The following UBA1 variants were observed in gnomAD, a reference collection of about 807,000 sequenced individuals.
UBA1 encodes ubiquitin-like modifier-activating enzyme 1.
In UBA1, 4 loss-of-function variants were observed where a neutral mutation model predicts 84.7. That is an observed-to-expected ratio of 0.05 (90% CI 0.02 to 0.11). The LOEUF is 0.11. Ranked by LOEUF, UBA1 falls within the 10% of genes least tolerant of loss-of-function variation. UBA1 has a pLI of 1.00. For synonymous variants in UBA1, 364 were observed against 362.6 expected (o/e 1.00, Z -0.04); for missense variants, 513 against 902.8 (o/e 0.57, Z 5.53).
chrX:47,201,663 G>T, intron 8 of UBA1, 53 bp downstream of exon 8: 1 of 1,188,211 alleles, frequency 8.4e-7, no homozygotes, highest in Non-Finnish European at 1.1e-6. Flanking sequence ...ATGTTCCTGG[G>T]TTCTGGCCGG....
Position 47,209,610 on chromosome X carries a change from GCT to G in UBA1, c.1939-10_1939-9del. 1 of 1,210,017 alleles carries G rather than the reference GCT, an allele frequency of 8.3e-7. No homozygotes were observed. Among genetic ancestry groups the G allele is most frequent in the Non-Finnish European group, 1.1e-6 (1 of 893,831 alleles). On this transcript the variant is annotated splice_polypyrimidine_tract_variant and intron_variant, in intron 16 of 25. Coordinates refer to ENST00000335972, the MANE Select transcript of UBA1 (RefSeq NM_003334.4). ...AACTGTGGCCACATGTAATCTGTTT[GCT>G]CTGTCTGCAGTGGGCTCGGGATGAG... is the stretch of plus-strand genomic sequence containing the variant.
At chrX:47,212,598 G>A (rs1483177018) in intron 21 of UBA1, 86 bp downstream of exon 21, 6 of 921,233 alleles carry the variant, frequency 6.5e-6, no homozygotes, top group South Asian at 6.2e-5. Context: ...AGCCAGCCCC[G>A]GGCCTTTGTG....
Position 47,206,264 on chromosome X carries a change from C to T in UBA1, c.1758C>T (p.Arg586=), listed in dbSNP as rs782655127. Residue 586 remains arginine, a synonymous_variant, in exon 16 of 26, where the codon CGC becomes CGT. Transcript: ENST00000335972. ...TCCCCACAGGCATGTACATGGACCG[C>T]CGCTGTGTCTACTACCGGAAGCCAC... The part of the protein sequence containing the change: ...DNVDARMYMD[R]RCVYYRKPLL... 18 of 1,206,675 alleles carry T rather than the reference C, an allele frequency of 1.5e-5. No individual in the cohort carries two copies. Among genetic ancestry groups the T allele is most frequent in the Non-Finnish European group, 1.9e-5 (17 of 892,779 alleles).
In UBA1 at chrX:47,193,869, C is replaced by G. The variant is rs1936105965; in HGVS notation, c.-156C>G. ...CTCGGCTGTAAGGAGGTGGCAGGGA[C>G]AACCACAACCACAACGGCCGGGGGA... On this transcript the variant is annotated 5_prime_UTR_variant, in exon 1 of 26. Coordinates refer to ENST00000335972, the MANE Select transcript of UBA1 (RefSeq NM_003334.4). 1 of 111,561 alleles carries G rather than the reference C, an allele frequency of 9.0e-6. No individual in the cohort carries two copies. Among genetic ancestry groups the G allele is most frequent in the Non-Finnish European group, 1.9e-5 (1 of 53,078 alleles). 9.2% of individuals were successfully genotyped at this position (111,561 alleles called of 1,213,427 possible).
intron 16 of UBA1, among the ~76,000 whole-genome samples, chrX:47,208,312 TAA>T (rs1936764953): frequency 1.0e-5 from 1 of 96,315 alleles, no homozygotes; most frequent in Non-Finnish European, 2.0e-5. Context: ...TGTGTACGTG[TAA>T]GTGTGTGTAC....
chrX:47,214,289 G>A (rs1556794492), intron 23 of UBA1, 38 bp from the exon 24 acceptor site: 2 of 1,160,240 alleles, frequency 1.7e-6, no homozygotes, highest in Admixed American at 4.4e-5. Flanking sequence ...GACCCTCTGG[G>A]ATGGTCTCCA....
In UBA1 at chrX:47,208,274, T is replaced by TGC. The variant is rs1291728459; in HGVS notation, c.1939-1348_1939-1347insCG. 2.9e-5 allele frequency among the ~76,000 whole-genome samples: 3 copies of TGC among 104,665 alleles called. No individual in the cohort carries two copies. The Admixed American group carries it at 3.0e-4, about 11-fold the overall frequency. 90.9% of individuals were successfully genotyped at this position (104,665 alleles called of 115,157 possible). A position where few individuals can be genotyped will look rare whatever the true frequency, so the allele number is the denominator to read the frequency against. Reference sequence around the variant, plus strand: ...CCAACTCCTGGGAAGTGTCTGTACGTGTGTGTGTGTGTGTGTGTAAGTGTC... The same window carrying TGC: ...CCAACTCCTGGGAAGTGTCTGTACGTGCGTGTGTGTGTGTGTGTGTAAGTGTC... On this transcript the variant is annotated intron_variant, in intron 16 of 25. Transcript: ENST00000335972.
chrX:47,210,820 C>T, intron 18 of UBA1, 22 bp from the exon 19 acceptor site: 1 of 1,207,284 alleles, frequency 8.3e-7, no homozygotes, highest in South Asian at 1.8e-5. Context: ...GTCCTGTTCT[C>T]AAAAATCTCT....
chrX:47,200,813 G>A (rs781842801), intron 5 of UBA1, 81 bp from the exon 6 acceptor site: 1 of 766,909 alleles, frequency 1.3e-6, no homozygotes, highest in East Asian at 3.5e-5. Context: ...TTGCCTTGAG[G>A]ACTGCCTGAG....
chrX:47,197,579 G>T (rs1376446868), intron 1 of UBA1: 35 of 749,005 alleles, frequency 4.7e-5, no homozygotes, highest in Non-Finnish European at 5.5e-5. Context: ...TCTCCAGCAT[G>T]TGGACCCAGT....
intron 22 of UBA1, 29 bp from the exon 23 acceptor site, chrX:47,212,961 C>A (rs782142490): frequency 8.3e-7 from 1 of 1,211,385 alleles, no homozygotes; most frequent in East Asian, 3.0e-5. Context: ...ACTTAACTAC[C>A]ACCTTCTTTT....
intron 16 of UBA1, chrX:47,206,660 T>C (rs1936690004): frequency 2.3e-6 from 1 of 434,847 alleles, no homozygotes. Context: ...TTTCAACACA[T>C]AGACAAATAT....
At chrX:47,206,916 A>T (rs999214345) in intron 16 of UBA1, among the ~76,000 whole-genome samples, 9 of 109,889 alleles carry the variant, frequency 8.2e-5, no homozygotes, top group Admixed American at 5.9e-4. Flanking sequence ...TTTATTTGTC[A>T]TGGGAGAGGG....
At chrX:47,206,594 G>C in intron 16 of UBA1, 150 bp downstream of exon 16, 1 of 553,016 alleles carries the variant, frequency 1.8e-6, no homozygotes, top group Non-Finnish European at 3.0e-6. Context: ...CTTCCCACCA[G>C]GCAGCCTAGG....
At chrX:47,213,372 C>T (rs1488969933) in intron 23 of UBA1, among the ~76,000 whole-genome samples, 191 bp downstream of exon 23, 1 of 111,772 alleles carries the variant, frequency 8.9e-6, no homozygotes, top group Non-Finnish European at 1.9e-5. Flanking sequence ...TTGAATTGTG[C>T]CCTGGGAGAT....
At chrX:47,203,100 G>A in intron 12 of UBA1, 34 bp from the exon 13 acceptor site, 4 of 1,209,089 alleles carry the variant, frequency 3.3e-6, no homozygotes, top group Middle Eastern at 4.6e-4. Flanking sequence ...TTCTGGGGAG[G>A]CCTCTCTAAC....
intron 5 of UBA1, among the ~76,000 whole-genome samples, chrX:47,199,975 C>T (rs895071396): frequency 1.8e-5 from 2 of 109,868 alleles, no homozygotes; most frequent in Non-Finnish European, 3.8e-5. Flanking sequence ...TTAGTAGAGA[C>T]GGGGTTTCAC....
rs781926346 is a variant in UBA1, at chrX:47,206,270, T to C, written c.1764T>C (p.Cys588=). 8.3e-7 allele frequency: 1 copy of C among 1,208,546 alleles called. No homozygotes were observed. Among genetic ancestry groups the C allele is most frequent in the South Asian group, 1.8e-5 (1 of 56,229 alleles). Residue 588 remains cysteine (C), a synonymous_variant, in exon 16 of 26, where the codon TGT becomes TGC. Coordinates refer to ENST00000335972, the MANE Select transcript of UBA1 (RefSeq NM_003334.4). ...VDARMYMDRR[C]VYYRKPLLES... is the part of the protein sequence containing the mutation. The stretch of plus-strand genomic sequence containing the variant: ...CAGGCATGTACATGGACCGCCGCTG[T>C]GTCTACTACCGGAAGCCACTGCTGG...
At position 47,211,031 on chromosome X, in the gene UBA1, C is replaced by A. The variant is rs1408059005; in HGVS notation, c.2275-5C>A. On this transcript the variant is annotated splice_polypyrimidine_tract_variant and splice_region_variant and intron_variant, in intron 19 of 25. Coordinates refer to ENST00000335972, the MANE Select transcript of UBA1 (RefSeq NM_003334.4). Reference sequence around the variant, plus strand: ...CTCACCCTTCCCTGCCCTGCCTTCTCCTAGCCCCTGCATCTGGACTATGTG... The same window carrying A: ...CTCACCCTTCCCTGCCCTGCCTTCTACTAGCCCCTGCATCTGGACTATGTG... 8.3e-7 allele frequency: 1 copy of A among 1,209,834 alleles called. No homozygotes were observed. Among genetic ancestry groups the A allele is most frequent in the Non-Finnish European group, 1.1e-6 (1 of 895,158 alleles).
Sources: allele counts gnomAD v4.1 joint callset (sites outside exome capture counted in the v4.1 genomes callset), GRCh38; gene constraint gnomAD v4.1.1; transcripts MANE v1.5; gene names NCBI Gene and HGNC (gene_info 2026-07-23, HGNC 2026-07-21).